The following CLP1 variants were observed in gnomAD, a reference collection of about 807,000 sequenced individuals.
CLP1 encodes the protein polyribonucleotide 5'-hydroxyl-kinase Clp1.
A neutral mutation model predicts 29.9 loss-of-function variants in CLP1; 18 were observed. The observed-to-expected ratio is 0.60, with a 90% CI of 0.42 to 0.89. CLP1 has a LOEUF of 0.89. Among genes scored for constraint, CLP1 ranks in the 40% least tolerant of loss-of-function variants. The pLI, the probability that CLP1 is intolerant of heterozygous loss-of-function variation, is 0.00. For missense variants in CLP1, 357 were observed against 544.8 expected (o/e 0.66, Z 3.43); for synonymous variants, 162 against 206.2 (o/e 0.79, Z 1.84).
rs777777223 is a variant in CLP1, at chr11:57,660,991, T to C, written c.833T>C (p.Leu278Pro). ...RDLPHFVRTV[L>P]LPKSGGVVER... ...CTCCCCCACTTTGTACGCACTGTGC[T>C]GCTCCCTAAATCTGGGGGTGTGGTG... Residue 278 changes from leucine to proline, a missense_variant, in exon 3 of 3, where the codon CTG becomes CCG. By Grantham distance (98) the Leu-to-Pro change is moderately conservative. Transcript: ENST00000533682. The C allele has an allele frequency of 1.2e-6, 2 of 1,614,236 alleles. No individual in the cohort carries two copies. The highest frequency in any genetic ancestry group is 1.7e-6 in the Non-Finnish European group (2 of 1,180,044).
Position 57,660,028 on chromosome 11 carries a change from G to C in CLP1, c.552G>C (p.Leu184=), listed in dbSNP as rs142476927. The C allele has an allele frequency of 7.8e-4, 1,252 of 1,607,262 alleles. 1 individual carries two copies. The highest frequency in any genetic ancestry group is 9.9e-4 in the Non-Finnish European group (1,161 of 1,176,106). Residue 184 remains leucine (L), a synonymous_variant, in exon 2 of 3, where the codon CTG becomes CTC. Transcript: ENST00000533682. ...VEEGFSIQAP[L]VYHFGSTTPG... ...AGGGTTTCTCTATCCAGGCCCCTCTGGTGTATCATTTTGGTTCCACCACTC... is the reference window on the plus strand; with the variant it reads ...AGGGTTTCTCTATCCAGGCCCCTCTCGTGTATCATTTTGGTTCCACCACTC...
Position 57,661,109 on chromosome 11 carries a change from C to T in CLP1, c.951C>T (p.Phe317=), listed in dbSNP as rs111754731. The part of the protein sequence containing the change: ...GFRGCFYPHA[F]NVKFSDVKIY... ...GAGGCTGTTTCTATCCCCATGCCTT[C>T]AATGTCAAATTTTCAGATGTGAAAA... The change falls in exon 3 of 3, where the codon TTC becomes TTT. Residue 317 remains phenylalanine (F), a synonymous_variant. Transcript: ENST00000533682. 3,037 of 1,614,176 alleles carry T rather than the reference C, an allele frequency of 1.9e-3. 54 individuals carry two copies. In the African/African-American group the frequency reaches 0.037, roughly 19 times the overall value.
At chr11:57,658,275 C>T (rs1344220751) in intron 1 of CLP1, among the ~76,000 whole-genome samples, 1 of 152,162 alleles carries the variant, frequency 6.6e-6, no homozygotes, top group African/African-American at 2.4e-5. Context: ...TTCCTGTTGA[C>T]TAGGATGATT....
At chr11:57,660,462 C>G (rs902849651) in intron 2 of CLP1, among the ~76,000 whole-genome samples, 37 of 152,112 alleles carry the variant, frequency 2.4e-4, no homozygotes, top group Non-Finnish European at 7.4e-5. Flanking sequence ...GGAGAGCAGC[C>G]TGGCCAACAT....
chr11:57,659,917 T>A lies in CLP1; in HGVS notation c.441T>A (p.Tyr147Ter). Residue 147 changes from tyrosine to a stop codon, truncating the protein, a stop_gained, in exon 2 of 3, where the codon TAT (tyrosine) becomes TAA (stop). Coordinates refer to ENST00000533682, the MANE Select transcript of CLP1 (RefSeq NM_006831.3). LOFTEE classifies it high-confidence loss of function. ...TGCGTTTGGGCCGCCGTCCCACTTA[T>A]GTGGAGCTGGATGTGGGCCAGGGTT... ...YAVRLGRRPT[Y>*]VELDVGQGSV... 6.2e-7 allele frequency: 1 copy of A among 1,614,182 alleles called. No individual in the cohort carries two copies.
Position 57,661,056 on chromosome 11 carries a change from C to T in CLP1, c.898C>T (p.Arg300Cys), listed in dbSNP as rs150146614. The T allele has an allele frequency of 3.4e-4, 552 of 1,614,192 alleles. 4 individuals are homozygous for T. The Middle Eastern group carries it at 4.3e-3, about 13-fold the overall frequency. ...CTTCCGGCGGGAATGTAGGGATGAG[C>T]GTATCCGTGAGTATTTTTATGGATT... is the stretch of plus-strand genomic sequence containing the variant. ...KDFRRECRDE[R>C]IREYFYGFRG... is the part of the protein sequence containing the mutation. The change falls in exon 3 of 3, where the codon CGT becomes TGT. Residue 300 changes from arginine (R) to cysteine (C), a missense_variant. Coordinates refer to ENST00000533682, the MANE Select transcript of CLP1 (RefSeq NM_006831.3).
Position 57,661,294 on chromosome 11 carries a change from C to G in CLP1, c.1136C>G (p.Ser379Cys), listed in dbSNP as rs1945874862. The change falls in exon 3 of 3, where the codon TCC (serine) becomes TGC (cysteine). Residue 379 changes from serine (S) to cysteine (C), a missense_variant. By Grantham distance (112) the Ser-to-Cys change is moderately radical. Coordinates refer to ENST00000533682, the MANE Select transcript of CLP1 (RefSeq NM_006831.3). ...STAEGTEENL[S>C]ETSVAGFIVV... is the part of the protein sequence containing the mutation. Reference sequence around the variant, plus strand: ...GCCGAGGGTACAGAGGAGAACCTGTCCGAGACAAGTGTAGCTGGCTTCATT... The same window carrying G: ...GCCGAGGGTACAGAGGAGAACCTGTGCGAGACAAGTGTAGCTGGCTTCATT... The G allele has an allele frequency of 1.2e-6, 2 of 1,614,158 alleles. No individual in the cohort carries two copies. Among genetic ancestry groups the G allele is most frequent in the Non-Finnish European group, 1.7e-6 (2 of 1,180,036 alleles).
Position 57,659,664 on chromosome 11 carries a change from T to A in CLP1, c.188T>A (p.Val63Glu), listed in dbSNP as rs1945855515. The change falls in exon 2 of 3, where the codon GTG becomes GAG. Residue 63 changes from valine to glutamate, a missense_variant. Val to Glu is a moderately radical substitution (Grantham distance 121). Coordinates refer to ENST00000533682, the MANE Select transcript of CLP1 (RefSeq NM_006831.3). ...KKFTFDAGAK[V>E]AVFTWHGCSV... Reference sequence around the variant, plus strand: ...TTCACCTTTGATGCTGGTGCCAAGGTGGCTGTTTTCACTTGGCATGGCTGT... The same window carrying A: ...TTCACCTTTGATGCTGGTGCCAAGGAGGCTGTTTTCACTTGGCATGGCTGT... The A allele has an allele frequency of 3.1e-6, 5 of 1,614,034 alleles. No individual in the cohort carries two copies. The highest frequency in any genetic ancestry group is 4.2e-6 in the Non-Finnish European group (5 of 1,179,998).
Position 57,661,240 on chromosome 11 carries a change from T to C in CLP1, c.1082T>C (p.Met361Thr), listed in dbSNP as rs890278391. ...KLVPVTPGRD[M>T]VHHLLSVSTA... Reference sequence around the variant, plus strand: ...GTACCTGTCACTCCTGGGCGAGATATGGTGCACCACCTACTGAGTGTTAGC... The same window carrying C: ...GTACCTGTCACTCCTGGGCGAGATACGGTGCACCACCTACTGAGTGTTAGC... The change falls in exon 3 of 3, where the codon ATG becomes ACG. Residue 361 changes from methionine to threonine, a missense_variant. By Grantham distance (81) the Met-to-Thr change is moderately conservative. Coordinates refer to ENST00000533682, the MANE Select transcript of CLP1 (RefSeq NM_006831.3). 6 of 1,614,220 alleles carry C rather than the reference T, an allele frequency of 3.7e-6. No individual in the cohort carries two copies. The highest frequency in any genetic ancestry group is 1.7e-5 in the Admixed American group (1 of 60,028).
chr11:57,657,914 CATTTTGGTGTCTGGGGAG>C (rs1945837153), intron 1 of CLP1, 54 bp downstream of exon 1: 1 of 152,222 alleles, frequency 6.6e-6, no homozygotes, highest in African/African-American at 2.4e-5. Flanking sequence ...GGTCTGGGGA[CATTTTGGTGTCTGGGGAG>C]ATTTTGGTGT....
rs753188399 is a variant in CLP1, at chr11:57,659,597, A to AG, written c.121_122insG (p.Met41SerfsTer18). 8.1e-6 allele frequency: 13 copies of AG among 1,613,978 alleles called. No homozygotes were observed. In the South Asian group the frequency reaches 1.3e-4, roughly 16 times the overall value. The stretch of plus-strand genomic sequence containing the variant: ...AGTTCAGTTGGAGTTGTTGACTGGC[A>AG]TGGCAGAGATCTTTGGCACAGAGCT... On this transcript the variant is annotated frameshift_variant, in exon 2 of 3. Transcript: ENST00000533682. LOFTEE classifies it high-confidence loss of function.
At position 57,661,230 on chromosome 11, in the gene CLP1, G is replaced by A; in HGVS notation, c.1072G>A (p.Gly358Arg). Residue 358 changes from glycine (G) to arginine (R), a missense_variant, in exon 3 of 3, where the codon GGG (glycine) becomes AGG (arginine). Physicochemically the swap from Gly to Arg is moderately radical, Grantham distance 125. Coordinates refer to ENST00000533682, the MANE Select transcript of CLP1 (RefSeq NM_006831.3). The stretch of plus-strand genomic sequence containing the variant: ...GCTCAAGCTAGTACCTGTCACTCCT[G>A]GGCGAGATATGGTGCACCACCTACT... ...NQLKLVPVTP[G>R]RDMVHHLLSV... 7 of 1,614,166 alleles carry A rather than the reference G, an allele frequency of 4.3e-6. No individual in the cohort carries two copies. Among genetic ancestry groups the A allele is most frequent in the Non-Finnish European group, 5.9e-6 (7 of 1,180,028 alleles).
rs1945880113 is a variant in CLP1, at chr11:57,661,843, A to G, written c.*407A>G. On this transcript the variant is annotated 3_prime_UTR_variant, in exon 3 of 3. Transcript: ENST00000533682. Reference sequence around the variant, plus strand: ...TTCAAACTTAAAAAAAATCATTTTAATAAATATTTTTGCCATATCATAGAA... The same window carrying G: ...TTCAAACTTAAAAAAAATCATTTTAGTAAATATTTTTGCCATATCATAGAA... The G allele has an allele frequency of 5.0e-6, 1 of 199,932 alleles. No homozygotes were observed. Among genetic ancestry groups the G allele is most frequent in the Non-Finnish European group, 1.0e-5 (1 of 97,618 alleles). 12.4% of individuals were successfully genotyped at this position (199,932 alleles called of 1,614,324 possible). A position where few individuals can be genotyped will look rare whatever the true frequency, so the allele number is the denominator to read the frequency against.
chr11:57,659,258 T>C (rs1200201747), intron 1 of CLP1, among the ~76,000 whole-genome samples, 197 bp from the exon 2 acceptor site: 1 of 151,146 alleles, frequency 6.6e-6, no homozygotes, highest in Non-Finnish European at 1.5e-5. Flanking sequence ...TAATTTTTTT[T>C]TTGTATGTTT....
At position 57,659,659 on chromosome 11, in the gene CLP1, C is replaced by T. The variant is rs1945855486; in HGVS notation, c.183C>T (p.Ala61=). The change falls in exon 2 of 3, where the codon GCC becomes GCT. Residue 61 remains alanine, a synonymous_variant. Transcript: ENST00000533682. ...RNKKFTFDAG[A]KVAVFTWHGC... ...AGAAATTCACCTTTGATGCTGGTGC[C>T]AAGGTGGCTGTTTTCACTTGGCATG... 1.2e-6 allele frequency: 2 copies of T among 1,613,958 alleles called. No individual in the cohort carries two copies. Among genetic ancestry groups the T allele is most frequent in the Non-Finnish European group, 1.7e-6 (2 of 1,180,034 alleles).
chr11:57,659,391 AT>A, intron 1 of CLP1, 63 bp from the exon 2 acceptor site: 1 of 1,503,286 alleles, frequency 6.7e-7, no homozygotes, highest in Non-Finnish European at 9.0e-7. Context: ...GCCTGGCCCC[AT>A]TGGATGTTTT....
In CLP1 at chr11:57,659,975, T is replaced by A; in HGVS notation, c.499T>A (p.Tyr167Asn). 3 of 1,613,850 alleles carry A rather than the reference T, an allele frequency of 1.9e-6. No homozygotes were observed. The highest frequency in any genetic ancestry group is 2.5e-6 in the Non-Finnish European group (3 of 1,179,878). The change falls in exon 2 of 3, where the codon TAC (tyrosine) becomes AAC (asparagine). Residue 167 changes from tyrosine to asparagine, a missense_variant. Physicochemically the swap from Tyr to Asn is moderately radical, Grantham distance 143. Coordinates refer to ENST00000533682, the MANE Select transcript of CLP1 (RefSeq NM_006831.3). ...VSIPGTMGAL[Y>N]IERPADVEEG... Reference sequence around the variant, plus strand: ...CATCCCTGGTACCATGGGGGCCCTCTACATCGAGCGGCCTGCAGATGTCGA... The same window carrying A: ...CATCCCTGGTACCATGGGGGCCCTCAACATCGAGCGGCCTGCAGATGTCGA...
chr11:57,659,563 A>C lies in CLP1; in HGVS notation c.87A>C (p.Ala29=). The C allele has an allele frequency of 6.2e-7, 1 of 1,614,170 alleles. No homozygotes were observed. The highest frequency in any genetic ancestry group is 8.5e-7 in the Non-Finnish European group (1 of 1,180,032). The change falls in exon 2 of 3, where the codon GCA becomes GCC. Residue 29 remains alanine (A), a synonymous_variant. Transcript: ENST00000533682. ...CAGAACTTCGCTTTGAGGTGGAGGCATCTCAGTCAGTTCAGTTGGAGTTGT... is the reference window on the plus strand; with the variant it reads ...CAGAACTTCGCTTTGAGGTGGAGGCCTCTCAGTCAGTTCAGTTGGAGTTGT... The part of the protein sequence containing the change: ...RETELRFEVE[A]SQSVQLELLT...
Position 57,661,163 on chromosome 11 carries a change from A to G in CLP1, c.1005A>G (p.Pro335=), listed in dbSNP as rs1945873545. The change falls in exon 3 of 3, where the codon CCA becomes CCG. Residue 335 remains proline (P), a synonymous_variant. Transcript: ENST00000533682. ...ACAAAGTTGGGGCACCCACCATCCCAGACTCCTGTTTACCTTTGGGCATGT... is the reference window on the plus strand; with the variant it reads ...ACAAAGTTGGGGCACCCACCATCCCGGACTCCTGTTTACCTTTGGGCATGT... ...KIYKVGAPTI[P]DSCLPLGMSQ... 2 of 1,614,094 alleles carry G rather than the reference A, an allele frequency of 1.2e-6. No individual in the cohort carries two copies. Among genetic ancestry groups the G allele is most frequent in the Non-Finnish European group, 1.7e-6 (2 of 1,180,050 alleles).
Sources: gnomAD v4.1 joint callset for allele counts (sites outside exome capture counted in the v4.1 genomes callset) on GRCh38, gnomAD v4.1.1 for gene constraint, MANE v1.5 for transcripts, NCBI Gene and HGNC (gene_info 2026-07-23, HGNC 2026-07-21) for gene names.